The following TRAPPC9 variants were observed in gnomAD, a reference collection of about 807,000 sequenced individuals.
TRAPPC9 encodes the protein trafficking protein particle complex subunit 9.
TRAPPC9 carries 83 observed loss-of-function variants against 124.0 expected under a neutral mutation model. That is an observed-to-expected ratio of 0.67 (90% CI 0.56 to 0.80). TRAPPC9 has a LOEUF of 0.80. Among genes scored for constraint, TRAPPC9 ranks in the 30% least tolerant of loss-of-function variants. The pLI, the probability that TRAPPC9 is intolerant of heterozygous loss-of-function variation, is 0.00. For synonymous variants in TRAPPC9, 638 were observed against 617.5 expected, an observed-to-expected ratio of 1.03 and a Z score of -0.49; for missense variants, 1,302 against 1,508.3, an observed-to-expected ratio of 0.86 and a Z score of 2.27.
chr8:140,413,173 G>C (rs1047421935), intron 5 of TRAPPC9, among the ~76,000 whole-genome samples: 21 of 152,166 alleles, frequency 1.4e-4, no homozygotes, highest in African/African-American at 5.1e-4. Context: ...TAGATCACCT[G>C]AGGTCAGGAG....
At chr8:140,310,025 ACTT>A (rs1438123994) in intron 10 of TRAPPC9, among the ~76,000 whole-genome samples, 1 of 151,838 alleles carries the variant, frequency 6.6e-6, no homozygotes, top group Non-Finnish European at 1.5e-5. Flanking sequence ...TTCTGCCCCC[ACTT>A]CTCGGGAGCA....
chr8:140,321,233 G>C (rs927909046), intron 9 of TRAPPC9, among the ~76,000 whole-genome samples: 1 of 152,224 alleles, frequency 6.6e-6, no homozygotes, highest in Admixed American at 6.5e-5. Flanking sequence ...AGCCATGGCT[G>C]GGGCTGGAGC....
At chr8:139,877,736 C>G (rs890417662) in intron 21 of TRAPPC9, among the ~76,000 whole-genome samples, 2 of 152,180 alleles carry the variant, frequency 1.3e-5, no homozygotes, top group Non-Finnish European at 1.5e-5. Flanking sequence ...CTCTGCTGGG[C>G]TCCAAGCCTG....
intron 9 of TRAPPC9, among the ~76,000 whole-genome samples, chr8:140,347,887 C>T (rs79866356): frequency 0.027 from 4,060 of 152,292 alleles, 81 homozygotes; most frequent in Non-Finnish European, 0.04. Flanking sequence ...TTCCATAAGT[C>T]CTCTGGTCAA....
chr8:140,197,800 G>A (rs368638267), intron 17 of TRAPPC9, among the ~76,000 whole-genome samples: 17 of 151,806 alleles, frequency 1.1e-4, no homozygotes, highest in South Asian at 4.2e-4. Context: ...GAGCCAGCAC[G>A]GGCTAAAGAC....
chr8:140,198,213 T>C (rs1381938035), intron 17 of TRAPPC9, among the ~76,000 whole-genome samples: 1 of 152,216 alleles, frequency 6.6e-6, no homozygotes, highest in Non-Finnish European at 1.5e-5. Flanking sequence ...GGAGAAACTT[T>C]ATAGTTTAAA....
At chr8:139,924,598 G>A (rs1260360798) in intron 19 of TRAPPC9, among the ~76,000 whole-genome samples, 3 of 152,158 alleles carry the variant, frequency 2.0e-5, no homozygotes, top group Admixed American at 6.5e-5. Flanking sequence ...TCTTAGCCTA[G>A]GAATCGACTG....
chr8:140,010,533 A>C (rs1049351358), intron 18 of TRAPPC9, among the ~76,000 whole-genome samples: 1 of 152,236 alleles, frequency 6.6e-6, no homozygotes, highest in Non-Finnish European at 1.5e-5. Context: ...GAAGAGGCCA[A>C]GATTACATAT....
chr8:140,401,632 A>ATT (rs146521869), intron 6 of TRAPPC9, among the ~76,000 whole-genome samples: 7 of 151,282 alleles, frequency 4.6e-5, no homozygotes, highest in Non-Finnish European at 7.4e-5. Context: ...ATGAAAAATT[A>ATT]TTTTTTTTTG....
chr8:139,818,460 C>T (rs1825013985), intron 21 of TRAPPC9, among the ~76,000 whole-genome samples: 1 of 152,118 alleles, frequency 6.6e-6, no homozygotes, highest in African/African-American at 2.4e-5. Flanking sequence ...CCTACAATCA[C>T]AGCTACTCAG....
chr8:140,172,385 G>A (rs6990679), intron 17 of TRAPPC9, among the ~76,000 whole-genome samples: 52,631 of 118,828 alleles, frequency 0.44, 9,950 homozygotes, highest in East Asian at 0.56. Flanking sequence ...TAAACTACCT[G>A]TGGGCAATGG....
intron 4 of TRAPPC9, among the ~76,000 whole-genome samples, chr8:140,431,196 C>T (rs1468462338): frequency 6.6e-6 from 1 of 151,940 alleles, no homozygotes; most frequent in Non-Finnish European, 1.5e-5. Flanking sequence ...GTGGCTCACG[C>T]CTGTAATCCC....
At chr8:139,791,606 G>A (rs530002084) in intron 21 of TRAPPC9, among the ~76,000 whole-genome samples, 90 of 151,052 alleles carry the variant, frequency 6.0e-4, no homozygotes, top group South Asian at 1.9e-3. Context: ...TCACACAGGC[G>A]CCCGTCTCCC....
In TRAPPC9 at chr8:140,221,505, A is replaced by G; in HGVS notation, c.2510T>C (p.Val837Ala). Residue 837 changes from valine (V) to alanine (A), a missense_variant, in exon 17 of 23, where the codon GTG (valine) becomes GCG (alanine). Val to Ala is a moderately conservative substitution (Grantham distance 64, BLOSUM62 0). Coordinates refer to ENST00000438773, the MANE Select transcript of TRAPPC9 (RefSeq NM_001160372.4). The part of the protein sequence containing the change: ...VVRPRVEGKP[V>A]NPPESNKAGD... ...TGCTTTGTTGCTCTCGGGTGGGTTC[A>G]CAGGTTTGCCCTCCACTCGGGGCCG... 7 of 1,614,132 alleles carry G rather than the reference A, an allele frequency of 4.3e-6. No homozygotes were observed. The highest frequency in any genetic ancestry group is 5.9e-6 in the Non-Finnish European group (7 of 1,180,006).
chr8:139,960,737 C>T (rs1835326715), intron 19 of TRAPPC9, among the ~76,000 whole-genome samples: 1 of 124,432 alleles, frequency 8.0e-6, no homozygotes, highest in Non-Finnish European at 1.9e-5. Context: ...GTGGGGGACA[C>T]CCAAGCACCC....
At chr8:140,290,191 C>T (rs1490129779) in intron 12 of TRAPPC9, among the ~76,000 whole-genome samples, 2 of 152,192 alleles carry the variant, frequency 1.3e-5, no homozygotes, top group African/African-American at 2.4e-5. Context: ...GGGACCGACA[C>T]GTGGCAAGAG....
chr8:140,207,722 T>C (rs1350377094), intron 17 of TRAPPC9, among the ~76,000 whole-genome samples: 1 of 152,210 alleles, frequency 6.6e-6, no homozygotes, highest in African/African-American at 2.4e-5. Flanking sequence ...AGAATCCTGG[T>C]GTTTTGCTGC....
chr8:140,024,134 T>G (rs781589644), intron 17 of TRAPPC9, 55 bp from the exon 18 acceptor site: 110 of 1,601,222 alleles, frequency 6.9e-5, no homozygotes, highest in Non-Finnish European at 8.7e-5. Context: ...CTCTCTAGTT[T>G]GATCCACCAG....
At chr8:139,766,081 T>C (rs1820566509) in intron 21 of TRAPPC9, among the ~76,000 whole-genome samples, 2 of 152,290 alleles carry the variant, frequency 1.3e-5, no homozygotes, top group East Asian at 1.9e-4. Context: ...CAGTGAAATG[T>C]TTTGCTTTCT....
Sources: allele counts gnomAD v4.1 joint callset (sites outside exome capture counted in the v4.1 genomes callset), GRCh38; gene constraint gnomAD v4.1.1; transcripts MANE v1.5; gene names NCBI Gene and HGNC (gene_info 2026-07-23, HGNC 2026-07-21).